PRKCE: variants seen among roughly 807,000 people sequenced by gnomAD.
The protein encoded by PRKCE is protein kinase C epsilon type.
Under a neutral mutation model 85.4 loss-of-function variants are expected in PRKCE, and 16 were observed. The ratio of observed to expected loss-of-function variants is 0.19; its 90% CI spans 0.13 to 0.28. The LOEUF (loss-of-function observed/expected upper bound fraction) is 0.28, where lower values mean the gene tolerates loss of function less well. Among genes scored for constraint, PRKCE ranks in the 10% least tolerant of loss-of-function variants. The pLI, the probability that PRKCE is intolerant of heterozygous loss-of-function variation, is 1.00. For missense variants in PRKCE, 573 were observed against 975.2 expected (o/e 0.59, Z 5.49); for synonymous variants, 388 against 371.5 (o/e 1.04, Z -0.51).
At chr2:45,941,933 A>T (rs185714098) in intron 2 of PRKCE, among the ~76,000 whole-genome samples, 146 of 152,338 alleles carry the variant, frequency 9.6e-4, no homozygotes, top group Non-Finnish European at 1.8e-3. Flanking sequence ...TACCCTGATT[A>T]AAACAGGAGA....
chr2:45,729,994 C>T (rs1237133357), intron 1 of PRKCE, among the ~76,000 whole-genome samples: 1 of 152,146 alleles, frequency 6.6e-6, no homozygotes, highest in East Asian at 1.9e-4. Context: ...TTTTATAGTT[C>T]AACAACATTG....
intron 1 of PRKCE, among the ~76,000 whole-genome samples, chr2:45,793,159 G>T (rs1234140994): frequency 6.6e-6 from 1 of 152,220 alleles, no homozygotes; most frequent in African/African-American, 2.4e-5. Context: ...GAGAAGAGGT[G>T]TTGAGTAAAC....
chr2:45,898,577 G>C (rs1331233608), intron 2 of PRKCE, among the ~76,000 whole-genome samples: 2 of 152,184 alleles, frequency 1.3e-5, no homozygotes, highest in East Asian at 1.9e-4. Context: ...TTCCTATCTG[G>C]TTATGCTGAG....
intron 1 of PRKCE, among the ~76,000 whole-genome samples, chr2:45,831,344 A>T (rs1690407498): frequency 1.3e-5 from 2 of 152,400 alleles, no homozygotes; most frequent in African/African-American, 4.8e-5. Context: ...AGAGAACAGA[A>T]TGTCAGTGTT....
In PRKCE at chr2:45,744,491, CTTTCTTTCTT is replaced by C. The variant is rs1558623904; in HGVS notation, c.348+92046_348+92055del. 4.8e-3 allele frequency among the ~76,000 whole-genome samples: 231 copies of C among 47,632 alleles called. 12 individuals carry two copies. Among genetic ancestry groups the C allele is most frequent in the African/African-American group, 0.018 (189 of 10,252 alleles). 31.2% of individuals were successfully genotyped at this position (47,632 alleles called of 152,430 possible). A position where few individuals can be genotyped will look rare whatever the true frequency, so the allele number is the denominator to read the frequency against. On this transcript the variant is annotated intron_variant, in intron 1 of 14. Transcript: ENST00000306156. ...TTTCTTTCTTTCTTTCTTTCTTTTT[CTTTCTTTCTT>C]TTCTTTCTTTCTTTCTTTCTTTCTT...
chr2:45,675,863 C>T (rs949877336), intron 1 of PRKCE, among the ~76,000 whole-genome samples: 22 of 152,142 alleles, frequency 1.4e-4, no homozygotes, highest in African/African-American at 5.3e-4. Flanking sequence ...AAGCCTCCAG[C>T]TGGCAGGATA....
At position 46,001,386 on chromosome 2, in the gene PRKCE, C is replaced by G; in HGVS notation, c.824-18C>G. 1 of 1,593,278 alleles carries G rather than the reference C, an allele frequency of 6.3e-7. No homozygotes were observed. Among genetic ancestry groups the G allele is most frequent in the Non-Finnish European group, 8.5e-7 (1 of 1,175,672 alleles). ...GGCCATGAACACTTATCTGTCTTTTCTCCATGTCTCCTTACAGTCTGCAAA... is the reference window on the plus strand; with the variant it reads ...GGCCATGAACACTTATCTGTCTTTTGTCCATGTCTCCTTACAGTCTGCAAA... On this transcript the variant is annotated intron_variant, in intron 6 of 14. Transcript: ENST00000306156. This position sits in a 1 kb window ranked among gnomAD's most constrained non-coding sequence, Gnocchi z 4.4.
At chr2:45,841,792 G>A (rs1045483421) in intron 1 of PRKCE, among the ~76,000 whole-genome samples, 3 of 152,236 alleles carry the variant, frequency 2.0e-5, no homozygotes, top group African/African-American at 4.8e-5. Flanking sequence ...ATTTCAGAGA[G>A]GAGGTGATAA....
chr2:45,726,772 T>C (rs80069203), intron 1 of PRKCE, among the ~76,000 whole-genome samples: 2 of 152,318 alleles, frequency 1.3e-5, no homozygotes, highest in South Asian at 2.1e-4. Flanking sequence ...CTGTGGCTAC[T>C]GATCCTATTG....
At chr2:45,844,320 C>T (rs976124552) in intron 2 of PRKCE, among the ~76,000 whole-genome samples, 1 of 152,180 alleles carries the variant, frequency 6.6e-6, no homozygotes, top group Admixed American at 6.5e-5. Flanking sequence ...CTTACATTTC[C>T]TGCTCTTTAT....
At chr2:45,672,607 G>T (rs1281330186) in intron 1 of PRKCE, among the ~76,000 whole-genome samples, 4 of 152,212 alleles carry the variant, frequency 2.6e-5, no homozygotes, top group African/African-American at 9.6e-5. Flanking sequence ...GCTATTGACT[G>T]AGGTTGCGGC....
intron 2 of PRKCE, among the ~76,000 whole-genome samples, chr2:45,955,062 T>C (rs1260677692): frequency 6.6e-6 from 1 of 151,884 alleles, no homozygotes; most frequent in African/African-American, 2.4e-5. Flanking sequence ...GGAAACAATA[T>C]GAACACTCCA....
chr2:45,787,241 G>A (rs779836876), intron 1 of PRKCE, among the ~76,000 whole-genome samples: 14 of 152,188 alleles, frequency 9.2e-5, no homozygotes, highest in African/African-American at 2.7e-4. Flanking sequence ...TGACCAAAAC[G>A]GGATTCCAGG....
At chr2:45,676,213 T>A (rs912728757) in intron 1 of PRKCE, 1 of 152,214 alleles carries the variant, frequency 6.6e-6, no homozygotes, top group African/African-American at 2.4e-5. Context: ...GATGGAACCC[T>A]CTGTTGCTTC....
intron 1 of PRKCE, among the ~76,000 whole-genome samples, chr2:45,771,299 T>C (rs1685308619): frequency 6.6e-6 from 1 of 152,204 alleles, no homozygotes; most frequent in African/African-American, 2.4e-5. Flanking sequence ...TCTGTTTATA[T>C]AGGGCTCCAA....
At chr2:45,901,444 T>C (rs1696575939) in intron 2 of PRKCE, among the ~76,000 whole-genome samples, 1 of 152,224 alleles carries the variant, frequency 6.6e-6, no homozygotes. Context: ...CCCTGGGCCT[T>C]CTTGGAAAGA....
At chr2:46,011,328 C>T (rs1230316202) in intron 10 of PRKCE, among the ~76,000 whole-genome samples, 1 of 152,188 alleles carries the variant, frequency 6.6e-6, no homozygotes, top group Non-Finnish European at 1.5e-5. Context: ...AGAGGTGATA[C>T]CTTGCTTCTG....
At chr2:45,982,975 G>A (rs893693386) in intron 5 of PRKCE, among the ~76,000 whole-genome samples, 1 of 152,154 alleles carries the variant, frequency 6.6e-6, no homozygotes, top group Non-Finnish European at 1.5e-5. Context: ...GAATAGAGTG[G>A]GCACAGTGAT....
At chr2:45,777,476 C>A (rs1021834912) in intron 1 of PRKCE, among the ~76,000 whole-genome samples, 1 of 152,032 alleles carries the variant, frequency 6.6e-6, no homozygotes, top group Non-Finnish European at 1.5e-5. Context: ...GTGGCGCCCA[C>A]GAGCTAATGT....
Sources: gnomAD v4.1 joint callset for allele counts (sites outside exome capture counted in the v4.1 genomes callset) on GRCh38, gnomAD v4.1.1 for gene constraint, Gnocchi (gnomAD v3.1) non-coding constraint, MANE v1.5 for transcripts, NCBI Gene and HGNC (gene_info 2026-07-23, HGNC 2026-07-21) for gene names.